The following DNAH7 variants were observed in gnomAD, a reference collection of about 807,000 sequenced individuals.
The protein encoded by DNAH7 is dynein axonemal heavy chain 7.
In DNAH7, 397 loss-of-function variants were observed where a neutral mutation model predicts 444.6. The observed-to-expected ratio is 0.89, with a 90% confidence interval of 0.82 to 0.97. The LOEUF is 0.97. Ranked by LOEUF, DNAH7 falls within the 50% of genes least tolerant of loss-of-function variation. The pLI, the probability that DNAH7 is intolerant of heterozygous loss-of-function variation, is 0.00. For missense variants in DNAH7, 4,902 were observed against 4,800.8 expected, an observed-to-expected ratio of 1.02 and a Z score of -0.62; for synonymous variants, 1,636 against 1,624.4, an observed-to-expected ratio of 1.01 and a Z score of -0.17.
chr2:195,792,070 G>A (rs941771599), intron 57 of DNAH7, among the ~76,000 whole-genome samples: 1 of 151,402 alleles, frequency 6.6e-6, no homozygotes, highest in Non-Finnish European at 1.5e-5. Context: ...ATGAGGCTGA[G>A]GTGGGATAAT....
chr2:195,876,471 G>C lies in DNAH7; in HGVS notation c.6117+73C>G, dbSNP rs539742927. On this transcript the variant is annotated intron_variant, in intron 37 of 64. Coordinates refer to ENST00000312428, the MANE Select transcript of DNAH7 (RefSeq NM_018897.3). ...TATACAAAAAGATGTCTCTCCCCAG[G>C]ATATTTGGTTTCCTTGTTCCAACTG... 9 of 1,395,772 alleles carry C rather than the reference G, an allele frequency of 6.4e-6. No homozygotes were observed. In the Admixed American group the frequency reaches 1.1e-4, roughly 17 times the overall value. 86.5% of individuals were successfully genotyped at this position (1,395,772 alleles called of 1,614,324 possible). A position where few individuals can be genotyped will look rare whatever the true frequency, so the allele number is the denominator to read the frequency against.
intron 58 of DNAH7, among the ~76,000 whole-genome samples, chr2:195,786,518 C>T (rs796186182): frequency 6.6e-6 from 1 of 151,688 alleles, no homozygotes; most frequent in Non-Finnish European, 1.5e-5. Flanking sequence ...TTAGGCTGTT[C>T]GGCTTCTTTC....
At chr2:195,969,549 A>C (rs1691704078) in intron 17 of DNAH7, among the ~76,000 whole-genome samples, 1 of 152,216 alleles carries the variant, frequency 6.6e-6, no homozygotes, top group Non-Finnish European at 1.5e-5. Flanking sequence ...TTTTAAAACA[A>C]GACCACTAAA....
intron 46 of DNAH7, among the ~76,000 whole-genome samples, chr2:195,852,939 GAGAGAGAGAC>G (rs1349542714): frequency 9.3e-5 from 14 of 149,764 alleles, no homozygotes; most frequent in African/African-American, 3.3e-4. Context: ...GAGAGAGAGA[GAGAGAGAGAC>G]AGAGTTCTGA....
At chr2:195,799,250 T>C (rs766226816) in intron 55 of DNAH7, 46 bp downstream of exon 55, 7 of 1,419,938 alleles carry the variant, frequency 4.9e-6, no homozygotes, top group Non-Finnish European at 1.9e-6. Flanking sequence ...AAGCAAGTAT[T>C]GCTTTTTTAA....
Position 196,048,340 on chromosome 2 carries a change from T to C in DNAH7, c.206A>G (p.Asp69Gly). The C allele has an allele frequency of 6.2e-7, 1 of 1,614,082 alleles. No homozygotes were observed. The highest frequency in any genetic ancestry group is 8.5e-7 in the Non-Finnish European group (1 of 1,179,960). Residue 69 changes from aspartate to glycine, a missense_variant, in exon 4 of 65, where the codon GAT becomes GGT. Transcript: ENST00000312428. Reference protein sequence around the residue: ...PSFHLSVKQDDESPEPFSVKN... With the variant: ...PSFHLSVKQDGESPEPFSVKN... ...AACACTAAATGGTTCTGGACTCTCA[T>C]CATCCTGCTTTACACTCAAATGGAA... is the stretch of plus-strand genomic sequence containing the variant.
At chr2:195,923,546 C>A (rs763267626) in intron 23 of DNAH7, 49 bp downstream of exon 23, 7 of 1,574,260 alleles carry the variant, frequency 4.4e-6, no homozygotes, top group Non-Finnish European at 5.2e-6. Context: ...AAATTTAAAA[C>A]TACGAGCTGA....
intron 15 of DNAH7, among the ~76,000 whole-genome samples, chr2:195,981,891 G>C (rs1216316412): frequency 6.6e-6 from 1 of 152,150 alleles, no homozygotes; most frequent in Non-Finnish European, 1.5e-5. Context: ...AACTTTCCAG[G>C]AACTTGGACT....
chr2:195,912,116 G>GT (rs1687394327), intron 24 of DNAH7, among the ~76,000 whole-genome samples: 1 of 152,138 alleles, frequency 6.6e-6, no homozygotes, highest in African/African-American at 2.4e-5. Flanking sequence ...TAAGAAGACC[G>GT]TAAGTGAGTG....
chr2:195,866,537 G>A (rs947308376), intron 40 of DNAH7, among the ~76,000 whole-genome samples: 1 of 152,142 alleles, frequency 6.6e-6, no homozygotes, highest in African/African-American at 2.4e-5. Flanking sequence ...TCATGTATCA[G>A]GATCAATGCC....
intron 61 of DNAH7, among the ~76,000 whole-genome samples, chr2:195,769,823 A>G (rs1017552377): frequency 1.3e-5 from 2 of 152,168 alleles, no homozygotes; most frequent in Non-Finnish European, 2.9e-5. Flanking sequence ...GAAATAATTT[A>G]TACATTTTAT....
chr2:195,807,456 C>G (rs369003547), intron 53 of DNAH7, among the ~76,000 whole-genome samples: 1 of 152,208 alleles, frequency 6.6e-6, no homozygotes, highest in Non-Finnish European at 1.5e-5. Flanking sequence ...CTGCTCCCAG[C>G]TGGAACAAAA....
chr2:196,001,756 A>C lies in DNAH7; in HGVS notation c.1092T>G (p.Ala364=). Residue 364 remains alanine (A), a synonymous_variant, in exon 11 of 65, where the codon GCT becomes GCG. Transcript: ENST00000312428. ...SAKLESFFNC[A]AALMTLQLQD... is the part of the protein sequence containing the mutation. ...GCAGCTGTAAAGTCATAAGTGCAGC[A>C]GCACAGTTGAAAAAAGATTCCAATT... 1 of 1,612,770 alleles carries C rather than the reference A, an allele frequency of 6.2e-7. No individual in the cohort carries two copies. Among genetic ancestry groups the C allele is most frequent in the South Asian group, 1.1e-5 (1 of 90,642 alleles).
intron 15 of DNAH7, among the ~76,000 whole-genome samples, chr2:195,980,420 A>G (rs1391708472): frequency 1.3e-5 from 2 of 152,164 alleles, no homozygotes; most frequent in African/African-American, 4.8e-5. Context: ...TCTTTCCTTT[A>G]TAAGTCATCC....
intron 59 of DNAH7, 110 bp downstream of exon 59, chr2:195,777,690 G>C: frequency 9.0e-7 from 1 of 1,111,456 alleles, no homozygotes; most frequent in South Asian, 1.6e-5. Flanking sequence ...GCACAGACAA[G>C]GGTAACAAAA....
At chr2:195,867,067 T>C (rs905114359) in intron 40 of DNAH7, among the ~76,000 whole-genome samples, 1 of 152,204 alleles carries the variant, frequency 6.6e-6, no homozygotes, top group East Asian at 1.9e-4. Context: ...CTTTTGTAAA[T>C]TGCCCAGTCT....
chr2:195,934,671 T>C lies in DNAH7; in HGVS notation c.3391A>G (p.Ile1131Val). Residue 1131 changes from isoleucine to valine, a missense_variant, in exon 21 of 65, where the codon ATT (isoleucine) becomes GTT (valine). Physicochemically the swap from Ile to Val is conservative, Grantham distance 29. Coordinates refer to ENST00000312428, the MANE Select transcript of DNAH7 (RefSeq NM_018897.3). ...EGEVVELIEIISTAKARGQVE... is the reference protein window; with the variant it reads ...EGEVVELIEIVSTAKARGQVE... Reference sequence around the variant, plus strand: ...TGACCTCTGGCTTTGGCTGTTGAAATAATCTCTATGAGTTCTACAACCTCT... The same window carrying C: ...TGACCTCTGGCTTTGGCTGTTGAAACAATCTCTATGAGTTCTACAACCTCT... 1 of 1,614,118 alleles carries C rather than the reference T, an allele frequency of 6.2e-7. No individual in the cohort carries two copies. The highest frequency in any genetic ancestry group is 8.5e-7 in the Non-Finnish European group (1 of 1,179,986).
At chr2:195,837,639 T>C (rs559319171) in intron 47 of DNAH7, among the ~76,000 whole-genome samples, 3 of 152,172 alleles carry the variant, frequency 2.0e-5, no homozygotes, top group East Asian at 3.9e-4. Context: ...CATAAATCCA[T>C]GTTTTATTTC....
At chr2:195,818,904 A>C (rs1315200784) in intron 49 of DNAH7, among the ~76,000 whole-genome samples, 1 of 152,036 alleles carries the variant, frequency 6.6e-6, no homozygotes, top group Non-Finnish European at 1.5e-5. Flanking sequence ...GCTCTTTATT[A>C]TCACCATGTA....
Sources: allele counts gnomAD v4.1 joint callset (sites outside exome capture counted in the v4.1 genomes callset), GRCh38; gene constraint gnomAD v4.1.1; transcripts MANE v1.5; gene names NCBI Gene and HGNC (gene_info 2026-07-23, HGNC 2026-07-21).